DNASE1: variants seen among roughly 807,000 people sequenced by gnomAD.
DNASE1 encodes deoxyribonuclease-1.
Under a neutral mutation model 33.9 loss-of-function variants are expected in DNASE1, and 40 were observed. The ratio of observed to expected loss-of-function variants is 1.18; its 90% CI spans 0.92 to 1.54. The LOEUF is 1.54. Among genes scored for constraint, DNASE1 ranks in the 40% most tolerant of loss-of-function variants. The pLI is 0.00. For missense variants in DNASE1, 518 were observed against 372.6 expected, an observed-to-expected ratio of 1.39 and a Z score of -3.21; for synonymous variants, 216 against 160.0, an observed-to-expected ratio of 1.35 and a Z score of -2.64.
chr16:3,648,795 T>G (rs539039095), intron 1 of DNASE1, among the ~76,000 whole-genome samples: 18 of 152,264 alleles, frequency 1.2e-4, no homozygotes, highest in Non-Finnish European at 2.2e-4. Context: ...AATGTCTGTT[T>G]GCATGAATAA....
intron 1 of DNASE1, among the ~76,000 whole-genome samples, chr16:3,622,213 G>GAAAA (rs56171298): frequency 2.9e-5 from 2 of 68,260 alleles, no homozygotes; most frequent in Admixed American, 1.6e-4. Context: ...GAGCAAGACT[G>GAAAA]AAAAAAAAAA....
chr16:3,658,297 GAC>G (rs2042841543), downstream of DNASE1: 8 of 1,249,902 alleles, frequency 6.4e-6, no homozygotes, highest in African/African-American at 1.5e-5. Context: ...TTTTTTTTGA[GAC>G]AGAGTCTCAC....
chr16:3,616,238 C>A (rs1361999985), intron 1 of DNASE1, among the ~76,000 whole-genome samples: 1 of 152,162 alleles, frequency 6.6e-6, no homozygotes, highest in African/African-American at 2.4e-5. Flanking sequence ...CAGCAAAACT[C>A]CCCCCAAAGC....
At chr16:3,626,228 A>G (rs1039215010) in intron 1 of DNASE1, among the ~76,000 whole-genome samples, 2 of 152,204 alleles carry the variant, frequency 1.3e-5, no homozygotes, top group African/African-American at 4.8e-5. Flanking sequence ...AAAACAGGCA[A>G]GAGACTTGAG....
chr16:3,663,297 G>T (rs2050731082), exon 10 of DNASE1: 11 of 1,276,516 alleles, frequency 8.6e-6, no homozygotes, highest in Non-Finnish European at 1.1e-5. Flanking sequence ...CTCCCACAAG[G>T]CTCTTCTCGG....
intron 1 of DNASE1, among the ~76,000 whole-genome samples, chr16:3,635,145 TGTTAAAAATAA>T (rs2041829131): frequency 1.3e-5 from 2 of 152,044 alleles, no homozygotes; most frequent in African/African-American, 2.4e-5. Context: ...TTGAACAAAC[TGTTAAAAATAA>T]GTTAAAAATA....
downstream of DNASE1, chr16:3,659,216 G>A (rs2042919591): frequency 4.9e-6 from 1 of 202,164 alleles, no homozygotes; most frequent in South Asian, 8.8e-5. Context: ...TAGGGCTCTA[G>A]TAAATAAAAC....
chr16:3,634,515 A>G (rs1014694852), intron 1 of DNASE1, among the ~76,000 whole-genome samples: 2 of 151,814 alleles, frequency 1.3e-5, no homozygotes, highest in African/African-American at 4.8e-5. Context: ...GGCATGAGCC[A>G]CTGTGCCTGG....
chr16:3,664,342 A>G (rs2050774212), exon 10 of DNASE1: 1 of 1,612,590 alleles, frequency 6.2e-7, no homozygotes, highest in African/African-American at 1.3e-5. Context: ...TTGGGGGCGC[A>G]CAGGTAGTAG....
At chr16:3,663,411 AGGGGATGCCGACCT>A (rs780597724) in exon 10 of DNASE1, 1 of 1,614,012 alleles carries the variant, frequency 6.2e-7, no homozygotes, top group East Asian at 2.2e-5. Flanking sequence ...CCTAGAGAGC[AGGGGATGCCGACCT>A]GGGGACCTGT....
At chr16:3,636,944 C>T (rs539011934) in intron 1 of DNASE1, among the ~76,000 whole-genome samples, 15 of 150,216 alleles carry the variant, frequency 1.0e-4, no homozygotes, top group African/African-American at 2.5e-4. Flanking sequence ...ATCAACATGG[C>T]GAAAGCCTGT....
In DNASE1 at chr16:3,657,712, C is replaced by G; in HGVS notation, c.705-8C>G. ...GGGAACCTACTTTCTCTTCCCAACA[C>G]CCATCAGGATCGTGGTTGCAGGGAT... On this transcript the variant is annotated splice_region_variant and splice_polypyrimidine_tract_variant and intron_variant, in intron 7 of 8. Coordinates refer to ENST00000246949, the MANE Select transcript of DNASE1 (RefSeq NM_005223.4). The G allele has an allele frequency of 6.2e-7, 1 of 1,613,960 alleles. No individual in the cohort carries two copies. Among genetic ancestry groups the G allele is most frequent in the South Asian group, 1.1e-5 (1 of 91,076 alleles).
chr16:3,649,260 G>A (rs1398857042), intron 1 of DNASE1, among the ~76,000 whole-genome samples: 1 of 152,224 alleles, frequency 6.6e-6, no homozygotes, highest in Admixed American at 6.5e-5. Flanking sequence ...ATTAGCTGGA[G>A]TCCACCTATC....
chr16:3,656,019 G>A, intron 3 of DNASE1, 82 bp downstream of exon 3: 1 of 1,611,694 alleles, frequency 6.2e-7, no homozygotes, highest in Admixed American at 1.7e-5. Context: ...CAAGGGTGGG[G>A]ACCTGGGCAC....
At chr16:3,658,918 CT>C (rs558463751), downstream of DNASE1, 1 of 1,578,014 alleles carries the variant, frequency 6.3e-7, no homozygotes, top group Non-Finnish European at 8.7e-7. Context: ...TGCTGTGACC[CT>C]CCCTTCATGT....
At chr16:3,634,031 C>T (rs1367503328) in intron 1 of DNASE1, among the ~76,000 whole-genome samples, 3 of 151,562 alleles carry the variant, frequency 2.0e-5, no homozygotes, top group East Asian at 3.9e-4. Context: ...AGGATGGTCT[C>T]GATCTCCTGA....
chr16:3,636,767 C>T (rs1384148784), intron 1 of DNASE1, among the ~76,000 whole-genome samples: 10 of 148,350 alleles, frequency 6.7e-5, no homozygotes. Flanking sequence ...TTGCAGTGAG[C>T]CAAGATCATG....
chr16:3,655,439 C>G lies in DNASE1; in HGVS notation c.66C>G (p.Ser22=), dbSNP rs373820749. Residue 22 remains serine, a synonymous_variant, in exon 2 of 9, where the codon TCC becomes TCG. Transcript: ENST00000246949. ...CGGCCCTACTGCAGGGGGCCGTGTC[C>G]CTGAAGATCGCAGCCTTCAACATCC... The part of the protein sequence containing the change: ...ALAALLQGAV[S]LKIAAFNIQT... 22 of 1,613,986 alleles carry G rather than the reference C, an allele frequency of 1.4e-5. No homozygotes were observed. The highest frequency in any genetic ancestry group is 1.8e-5 in the Non-Finnish European group (21 of 1,180,038).
At chr16:3,659,186 C>A, downstream of DNASE1, 1 of 261,182 alleles carries the variant, frequency 3.8e-6, no homozygotes, top group Non-Finnish European at 7.3e-6. Context: ...GGAGTAAGAC[C>A]CACATGTTGA....
Sources: allele counts gnomAD v4.1 joint callset (sites outside exome capture counted in the v4.1 genomes callset), GRCh38; gene constraint gnomAD v4.1.1; transcripts MANE v1.5; gene names NCBI Gene and HGNC (gene_info 2026-07-23, HGNC 2026-07-21).